Variants in STK32A observed in about 807,000 individuals in gnomAD.
STK32A encodes the protein serine/threonine kinase 32A.
STK32A carries 41 observed loss-of-function variants against 53.2 expected under a neutral mutation model. The observed-to-expected ratio is 0.77, with a 90% CI of 0.60 to 1.00. STK32A has a LOEUF of 1.00. STK32A is among the 50% of genes least tolerant of loss of function. The pLI is 0.00. For missense variants in STK32A, 458 were observed against 485.8 expected (o/e 0.94, Z 0.54); for synonymous variants, 166 against 162.8 (o/e 1.02, Z -0.15).
At chr5:147,261,546 G>A (rs572653959) in intron 2 of STK32A, among the ~76,000 whole-genome samples, 1 of 152,322 alleles carries the variant, frequency 6.6e-6, no homozygotes, top group South Asian at 2.1e-4. Flanking sequence ...ATCAGAATGA[G>A]TCAGGGTGGA....
intron 4 of STK32A, among the ~76,000 whole-genome samples, chr5:147,316,859 G>GA (rs35058586): frequency 0.2 from 11,967 of 61,138 alleles, 920 homozygotes; most frequent in Non-Finnish European, 0.23. Context: ...TGTTTCTGGC[G>GA]AAAAAAAAAA....
intron 9 of STK32A, among the ~76,000 whole-genome samples, chr5:147,371,170 A>G (rs1332395560): frequency 1.6e-4 from 24 of 152,062 alleles, no homozygotes; most frequent in Admixed American, 1.6e-3. Context: ...TGTCCTCACT[A>G]CTATTTCCCT....
At chr5:147,371,196 A>G (rs1756991238) in intron 9 of STK32A, among the ~76,000 whole-genome samples, 2 of 152,242 alleles carry the variant, frequency 1.3e-5, no homozygotes, top group African/African-American at 4.8e-5. Context: ...AACTGCCATC[A>G]GTCTAGCCTT....
chr5:147,351,267 A>G, intron 7 of STK32A, 113 bp downstream of exon 7: 4 of 846,356 alleles, frequency 4.7e-6, no homozygotes, highest in Non-Finnish European at 7.4e-6. Flanking sequence ...CTCTGACTTT[A>G]CCTGTGGAGC....
chr5:147,327,500 T>C (rs1754658183), intron 5 of STK32A, among the ~76,000 whole-genome samples: 2 of 152,230 alleles, frequency 1.3e-5, no homozygotes, highest in Non-Finnish European at 1.5e-5. Context: ...TTCCTACTTT[T>C]AGATTAAAAT....
At chr5:147,308,370 C>G (rs1753525379) in intron 4 of STK32A, among the ~76,000 whole-genome samples, 1 of 151,986 alleles carries the variant, frequency 6.6e-6, no homozygotes, top group South Asian at 2.1e-4. Flanking sequence ...TACTAAAATA[C>G]AATTGATTAT....
chr5:147,386,417 C>T lies in STK32A; in HGVS notation c.*2434C>T, dbSNP rs1757644923. On this transcript the variant is annotated 3_prime_UTR_variant, in exon 13 of 13. Coordinates refer to ENST00000397936, the MANE Select transcript of STK32A (RefSeq NM_001112724.2). ...ACCTCCCTAAGTAACCAGGTTCCTC[C>T]TCTCGCTGCAACCTTGTTTGCATCC... 6.6e-6 allele frequency: 1 copy of T among 152,184 alleles called. No individual in the cohort carries two copies. The highest frequency in any genetic ancestry group is 6.5e-5 in the Admixed American group (1 of 15,284). The allele number at this position is 152,184 out of a possible 1,614,324, so 9.4% of individuals were successfully genotyped here. A position where few individuals can be genotyped will look rare whatever the true frequency, so the allele number is the denominator to read the frequency against.
intron 2 of STK32A, among the ~76,000 whole-genome samples, chr5:147,269,876 G>C (rs1201010133): frequency 4.6e-5 from 7 of 152,256 alleles, no homozygotes; most frequent in African/African-American, 1.7e-4. Flanking sequence ...AATCACTATG[G>C]CGTGACTGCA....
intron 5 of STK32A, among the ~76,000 whole-genome samples, chr5:147,341,441 T>C (rs777840853): frequency 3.9e-5 from 6 of 152,146 alleles, no homozygotes; most frequent in Non-Finnish European, 8.8e-5. Flanking sequence ...CAAGAAACCA[T>C]CCCTGACATC....
chr5:147,273,673 T>C (rs1755140444), intron 2 of STK32A, among the ~76,000 whole-genome samples: 2 of 152,248 alleles, frequency 1.3e-5, no homozygotes, highest in Non-Finnish European at 2.9e-5. Context: ...ATGAGCCTTA[T>C]TGGGTACCCA....
chr5:147,372,269 CTTTTTTTTTTT>C lies in STK32A; in HGVS notation c.778-880_778-870del, dbSNP rs71274369. 3.0e-4 allele frequency among the ~76,000 whole-genome samples: 15 copies of C among 49,350 alleles called. 1 individual carries two copies. The highest frequency in any genetic ancestry group is 4.9e-4 in the African/African-American group (6 of 12,308). The allele number at this position is 49,350 out of a possible 152,430, so 32.4% of individuals were successfully genotyped here. ...GGGGCCCAAGAGGAATGGGCTTGGC[CTTTTTTTTTTT>C]TTTTTTTTTTTTTTTTTTTGAGGAG... On this transcript the variant is annotated intron_variant, in intron 9 of 12. Transcript: ENST00000397936.
At chr5:147,244,624 A>T (rs1753708972) in intron 2 of STK32A, among the ~76,000 whole-genome samples, 1 of 152,220 alleles carries the variant, frequency 6.6e-6, no homozygotes, top group African/African-American at 2.4e-5. Flanking sequence ...GTCAACCATT[A>T]TCAGACACTG....
the STK32A span, chr5:147,393,479 G>A: frequency 6.5e-6 from 1 of 153,106 alleles, no homozygotes; most frequent in Non-Finnish European, 1.5e-5. Flanking sequence ...AGACCCTAGG[G>A]AGCTGTGGTG....
chr5:147,263,998 A>T (rs2151948267), intron 2 of STK32A, among the ~76,000 whole-genome samples: 1 of 152,340 alleles, frequency 6.6e-6, no homozygotes, highest in East Asian at 1.9e-4. Context: ...ACTTCTCAAC[A>T]GCAATGTGTG....
At chr5:147,245,114 A>G (rs968814840) in intron 2 of STK32A, among the ~76,000 whole-genome samples, 1 of 152,232 alleles carries the variant, frequency 6.6e-6, no homozygotes, top group Non-Finnish European at 1.5e-5. Flanking sequence ...TGACTGCACA[A>G]AAACATAATC....
chr5:147,352,287 A>C (rs959314014), intron 7 of STK32A, among the ~76,000 whole-genome samples: 1 of 152,234 alleles, frequency 6.6e-6, no homozygotes, highest in Non-Finnish European at 1.5e-5. Flanking sequence ...ATGTCTTTGC[A>C]TTATTTTGTG....
At chr5:147,243,319 A>G (rs62380968) in intron 2 of STK32A, among the ~76,000 whole-genome samples, 32,836 of 119,144 alleles carry the variant, frequency 0.28, 11,347 homozygotes, top group Admixed American at 0.42. Flanking sequence ...ATGTCCCTTG[A>G]GATAAGCTAT....
At chr5:147,351,603 C>T (rs1755984821) in intron 7 of STK32A, among the ~76,000 whole-genome samples, 1 of 151,618 alleles carries the variant, frequency 6.6e-6, no homozygotes. Flanking sequence ...AATCCCAGCA[C>T]TTTGGGAGGC....
chr5:147,350,218 G>A (rs1755901827), intron 6 of STK32A, among the ~76,000 whole-genome samples: 1 of 128,510 alleles, frequency 7.8e-6, no homozygotes, highest in Admixed American at 9.9e-5. Context: ...GGGAACTGAT[G>A]AGGCCAACCT....
Sources: gnomAD v4.1 joint callset for allele counts (sites outside exome capture counted in the v4.1 genomes callset) on GRCh38, gnomAD v4.1.1 for gene constraint, MANE v1.5 for transcripts, NCBI Gene and HGNC (gene_info 2026-07-23, HGNC 2026-07-21) for gene names.